Variants in DIP2C observed in about 807,000 individuals in gnomAD.
DIP2C encodes DIP2 acetate--CoA ligase C (putative).
DIP2C carries 33 observed loss-of-function variants against 192.4 expected under a neutral mutation model. The observed-to-expected ratio is 0.17, with a 90% CI of 0.13 to 0.23. The LOEUF (loss-of-function observed/expected upper bound fraction) is 0.23. Ranked by LOEUF, DIP2C falls within the 10% of genes least tolerant of loss-of-function variation. The pLI is 1.00. For missense variants in DIP2C, 1,537 were observed against 2,110.1 expected, an observed-to-expected ratio of 0.73 and a Z score of 5.32; for synonymous variants, 979 against 864.1, an observed-to-expected ratio of 1.13 and a Z score of -2.33.
At chr10:389,235 G>A (rs1476615326) in intron 13 of DIP2C, among the ~76,000 whole-genome samples, 1 of 152,084 alleles carries the variant, frequency 6.6e-6, no homozygotes, top group East Asian at 1.9e-4. Context: ...AGGGCCTCAG[G>A]GTACATCACA....
chr10:565,752 C>T (rs931998330), intron 1 of DIP2C, among the ~76,000 whole-genome samples: 2 of 152,222 alleles, frequency 1.3e-5, no homozygotes, highest in Non-Finnish European at 2.9e-5. Context: ...TGCTTACAGT[C>T]GCGTAACGGA....
chr10:422,328 A>G (rs1029196270), intron 5 of DIP2C, among the ~76,000 whole-genome samples: 2 of 152,274 alleles, frequency 1.3e-5, no homozygotes, highest in African/African-American at 2.4e-5. Flanking sequence ...TTCAAACGTC[A>G]TAGGGCAGTG....
intron 32 of DIP2C, among the ~76,000 whole-genome samples, chr10:294,223 G>C (rs1326439617): frequency 1.1e-4 from 17 of 152,082 alleles, no homozygotes; most frequent in Admixed American, 1.1e-3. Context: ...TTCTTCCAAG[G>C]CCAGATGGGT....
At chr10:617,143 T>TGCCTCCC in intron 1 of DIP2C, among the ~76,000 whole-genome samples, 1 of 152,088 alleles carries the variant, frequency 6.6e-6, no homozygotes. Flanking sequence ...ACTGCCTCTG[T>TGCCTCCC]GCCTCCCGCC....
chr10:540,499 C>T (rs1331864030), intron 1 of DIP2C, among the ~76,000 whole-genome samples: 1 of 152,206 alleles, frequency 6.6e-6, no homozygotes, highest in East Asian at 1.9e-4. Context: ...GTCCTCTTCT[C>T]CTTGCCCCTT....
At chr10:278,502 A>G (rs1954643429) in intron 36 of DIP2C, among the ~76,000 whole-genome samples, 1 of 152,178 alleles carries the variant, frequency 6.6e-6, no homozygotes, top group Admixed American at 6.5e-5. Context: ...ACACGTGGAG[A>G]AGAGCCACCA....
intron 3 of DIP2C, among the ~76,000 whole-genome samples, chr10:451,634 G>A (rs983767323): frequency 1.3e-5 from 2 of 152,174 alleles, no homozygotes; most frequent in Non-Finnish European, 2.9e-5. Flanking sequence ...AATATTAACA[G>A]TAGCCATTTC....
chr10:393,571 A>G (rs1261270570), intron 10 of DIP2C, among the ~76,000 whole-genome samples: 1 of 152,146 alleles, frequency 6.6e-6, no homozygotes, highest in East Asian at 1.9e-4. Flanking sequence ...GGAGGTCAGG[A>G]GTTCAAGACC....
intron 2 of DIP2C, among the ~76,000 whole-genome samples, chr10:479,798 G>C (rs536064220): frequency 3.3e-4 from 50 of 152,342 alleles, no homozygotes; most frequent in African/African-American, 1.1e-3. Context: ...TCTGACGTCT[G>C]CATCTCATCC....
intron 1 of DIP2C, among the ~76,000 whole-genome samples, chr10:561,176 G>A (rs1849195902): frequency 6.6e-6 from 1 of 152,134 alleles, no homozygotes; most frequent in African/African-American, 2.4e-5. Context: ...ATCTCCTGAG[G>A]GCTGTATCGT....
In DIP2C at chr10:307,956, G is replaced by A. The variant is rs1486981338; in HGVS notation, c.3986+2075C>T. On this transcript the variant is annotated intron_variant, in intron 32 of 36. Transcript: ENST00000280886. ...GGTGCCTGGGCGGGGCCCGGCACAC[G>A]GTCCATCTGGAGGGCAGCAGGGAGG... Among the ~76,000 whole-genome samples, 4 of 149,612 alleles carry A rather than the reference G, an allele frequency of 2.7e-5. No homozygotes were observed. In the Middle Eastern group the frequency reaches 0.01, roughly 384 times the overall value.
chr10:392,790 C>A (rs1442837248), intron 10 of DIP2C, among the ~76,000 whole-genome samples: 1 of 151,570 alleles, frequency 6.6e-6, no homozygotes, highest in Non-Finnish European at 1.5e-5. Context: ...CGCGCCCATG[C>A]ACACACGCGG....
intron 1 of DIP2C, among the ~76,000 whole-genome samples, chr10:489,173 G>A (rs561286451): frequency 7.9e-5 from 12 of 152,262 alleles, no homozygotes; most frequent in Admixed American, 3.9e-4. Context: ...CTCCTGCTAC[G>A]TTTTCATGGA....
intron 3 of DIP2C, among the ~76,000 whole-genome samples, chr10:447,701 A>G (rs1235813766): frequency 8.1e-6 from 1 of 123,288 alleles, no homozygotes; most frequent in Non-Finnish European, 1.6e-5. Flanking sequence ...ACAGTGGGGC[A>G]GCAGGACCCG....
At chr10:436,467 G>A (rs1384434826) in intron 4 of DIP2C, among the ~76,000 whole-genome samples, 2 of 152,142 alleles carry the variant, frequency 1.3e-5, no homozygotes, top group East Asian at 1.9e-4. Flanking sequence ...TTGGCAGGGT[G>A]GCATGCTCCG....
intron 32 of DIP2C, among the ~76,000 whole-genome samples, chr10:307,457 G>A (rs996267535): frequency 6.6e-6 from 1 of 152,172 alleles, no homozygotes; most frequent in African/African-American, 2.4e-5. Flanking sequence ...AGAGGGCTTT[G>A]GGGCTGGCTT....
intron 4 of DIP2C, among the ~76,000 whole-genome samples, chr10:427,618 T>C (rs1185208117): frequency 1.3e-5 from 2 of 152,134 alleles, no homozygotes; most frequent in Non-Finnish European, 2.9e-5. Context: ...CATATACAAA[T>C]AGCTATGAAT....
At chr10:577,951 A>G (rs1036153659) in intron 1 of DIP2C, among the ~76,000 whole-genome samples, 10 of 152,124 alleles carry the variant, frequency 6.6e-5, no homozygotes, top group African/African-American at 1.7e-4. Flanking sequence ...CTGTTCTGAA[A>G]AATCAGATTA....
Position 412,275 on chromosome 10 carries a change from C to T in DIP2C, c.1057+1638G>A, listed in dbSNP as rs1024982452. 3.9e-5 allele frequency among the ~76,000 whole-genome samples: 6 copies of T among 152,190 alleles called. No homozygotes were observed. The South Asian group carries it at 1.0e-3, about 26-fold the overall frequency. ...TGCATGCTTAAAACACCCAAGTGAACGTCTATTAGTTCTCAGAGTGAACAC... is the reference window on the plus strand; with the variant it reads ...TGCATGCTTAAAACACCCAAGTGAATGTCTATTAGTTCTCAGAGTGAACAC... On this transcript the variant is annotated intron_variant, in intron 8 of 36. Coordinates refer to ENST00000280886, the MANE Select transcript of DIP2C (RefSeq NM_014974.3).
Sources: allele counts gnomAD v4.1 joint callset (sites outside exome capture counted in the v4.1 genomes callset), GRCh38; gene constraint gnomAD v4.1.1; transcripts MANE v1.5; gene names NCBI Gene and HGNC (gene_info 2026-07-23, HGNC 2026-07-21).